The following N4BP2 variants were observed in gnomAD, a reference collection of about 807,000 sequenced individuals.
N4BP2 encodes the protein NEDD4 binding protein 2.
In N4BP2, 91 loss-of-function variants were observed where a neutral mutation model predicts 152.8. The ratio of observed to expected loss-of-function variants is 0.60; its 90% confidence interval spans 0.50 to 0.71. The LOEUF (loss-of-function observed/expected upper bound fraction) is 0.71, where lower values mean the gene tolerates loss of function less well. N4BP2 is among the 30% of genes least tolerant of loss of function. The pLI is 0.00. For missense variants in N4BP2, 1,923 were observed against 2,059.1 expected (o/e 0.93, Z 1.28); for synonymous variants, 646 against 705.3 (o/e 0.92, Z 1.33).
chr4:40,070,909 CCTT>C (rs968360881), intron 1 of N4BP2, among the ~76,000 whole-genome samples: 1 of 151,366 alleles, frequency 6.6e-6, no homozygotes, highest in Admixed American at 6.6e-5. Context: ...ACTGCAACCT[CCTT>C]CTCCTGAGTT....
At chr4:40,075,007 G>GA (rs569978803) in intron 2 of N4BP2, among the ~76,000 whole-genome samples, 41 of 136,570 alleles carry the variant, frequency 3.0e-4, no homozygotes, top group East Asian at 6.4e-4. Flanking sequence ...ACTCTGTAAA[G>GA]AAAAAAAAAA....
rs149213317 is a variant in N4BP2, at chr4:40,150,619, C to T, written c.5144-2161C>T. ...CCAGGAGTCAGAGGCTGCAGTGAAC[C>T]GAGATCATCCCACTGCACTTCAACC... On this transcript the variant is annotated intron_variant, in intron 16 of 17. Transcript: ENST00000261435. Among the ~76,000 whole-genome samples the T allele has an allele frequency of 2.5e-3, 370 of 150,686 alleles. 1 individual carries two copies. Among genetic ancestry groups the T allele is most frequent in the African/African-American group, 8.4e-3 (343 of 40,868 alleles).
chr4:40,151,472 G>A lies in N4BP2; in HGVS notation c.5144-1308G>A, dbSNP rs150139629. ...TTTTCAGTAGAGATGGGGTTTTGCC[G>A]TGTTGCCCAGGCTGGTCTTGAACTC... On this transcript the variant is annotated intron_variant, in intron 16 of 17. Transcript: ENST00000261435. Among the ~76,000 whole-genome samples, 362 of 151,864 alleles carry A rather than the reference G, an allele frequency of 2.4e-3. 1 individual carries two copies. Among genetic ancestry groups the A allele is most frequent in the African/African-American group, 8.3e-3 (343 of 41,360 alleles).
intron 12 of N4BP2, among the ~76,000 whole-genome samples, chr4:40,127,125 G>A (rs1245988144): frequency 6.6e-6 from 1 of 151,680 alleles, no homozygotes; most frequent in African/African-American, 2.4e-5. Flanking sequence ...TCTGGGGTCA[G>A]TGATTCACCT....
intron 6 of N4BP2, 79 bp downstream of exon 6, chr4:40,112,251 G>A (rs1716957836): frequency 1.2e-6 from 1 of 847,954 alleles, no homozygotes; most frequent in African/African-American, 1.8e-5. Flanking sequence ...AAGTGAATCT[G>A]AAGCACTTAA....
At chr4:40,133,785 G>T (rs1719113073) in intron 13 of N4BP2, among the ~76,000 whole-genome samples, 1 of 152,078 alleles carries the variant, frequency 6.6e-6, no homozygotes. Flanking sequence ...TTCAGATGAG[G>T]AGTAGTCAAC....
At chr4:40,175,950 C>T in the N4BP2 span, among the ~76,000 whole-genome samples, 2 of 151,306 alleles carry the variant, frequency 1.3e-5, no homozygotes, top group Admixed American at 6.6e-5. Context: ...ATTAGCCGGG[C>T]GCGGTGGCGG....
chr4:40,141,429 C>T (rs1560637238), intron 14 of N4BP2, among the ~76,000 whole-genome samples: 1 of 151,094 alleles, frequency 6.6e-6, no homozygotes, highest in African/African-American at 2.4e-5. Context: ...CGGGTAGAGG[C>T]GCTCCTCACA....
chr4:40,084,397 G>A (rs928824891), intron 2 of N4BP2, among the ~76,000 whole-genome samples: 7 of 151,494 alleles, frequency 4.6e-5, no homozygotes, highest in African/African-American at 1.7e-4. Flanking sequence ...GGGTGGCAGA[G>A]GAGAATCAGG....
chr4:40,112,207 T>C, intron 6 of N4BP2, 35 bp downstream of exon 6: 1 of 1,166,224 alleles, frequency 8.6e-7, no homozygotes, highest in East Asian at 2.5e-5. Context: ...TTTATAACAG[T>C]TTGTATGCAA....
At chr4:40,085,685 C>T (rs985664000) in intron 2 of N4BP2, among the ~76,000 whole-genome samples, 5 of 151,962 alleles carry the variant, frequency 3.3e-5, no homozygotes, top group Non-Finnish European at 5.9e-5. Flanking sequence ...AGCTCTGGAA[C>T]GCTGTATTGT....
intron 2 of N4BP2, among the ~76,000 whole-genome samples, chr4:40,078,747 TA>T (rs1713044640): frequency 6.6e-6 from 1 of 151,972 alleles, no homozygotes; most frequent in Non-Finnish European, 1.5e-5. Context: ...TGGCTGGTCT[TA>T]GACTCCTGGG....
the N4BP2 span, among the ~76,000 whole-genome samples, chr4:40,178,316 A>G: frequency 6.6e-6 from 1 of 152,234 alleles, no homozygotes; most frequent in African/African-American, 2.4e-5. Context: ...AAATTGGAAA[A>G]TAATGATAAA....
Position 40,136,751 on chromosome 4 carries a change from T to C in N4BP2, c.4647-193T>C, listed in dbSNP as rs73229756. On this transcript the variant is annotated intron_variant, in intron 13 of 17. Transcript: ENST00000261435. ...AAAATTAGCTTTTGAGAACCTATTA[T>C]TTGATAGTTTCCTTCTGATTATTCT... 3.3e-3 allele frequency among the ~76,000 whole-genome samples: 501 copies of C among 152,346 alleles called. 3 individuals carry two copies. The highest frequency in any genetic ancestry group is 5.4e-3 in the Non-Finnish European group (369 of 68,036).
the N4BP2 span, among the ~76,000 whole-genome samples, chr4:40,182,779 C>T: frequency 1.3e-5 from 2 of 152,050 alleles, no homozygotes; most frequent in Non-Finnish European, 2.9e-5. Flanking sequence ...CAGGTTCAAG[C>T]GATTCTCCTG....
intron 5 of N4BP2, among the ~76,000 whole-genome samples, chr4:40,109,224 G>A (rs766519415): frequency 1.2e-4 from 18 of 152,102 alleles, no homozygotes; most frequent in Non-Finnish European, 2.1e-4. Flanking sequence ...AAGAATTCAG[G>A]AATCTGAAAA....
At chr4:40,165,249 A>G in the N4BP2 span, among the ~76,000 whole-genome samples, 1 of 151,938 alleles carries the variant, frequency 6.6e-6, no homozygotes, top group African/African-American at 2.4e-5. Context: ...GAAATAGGAT[A>G]AAAATCAATC....
chr4:40,081,891 T>A (rs1713403786), intron 2 of N4BP2, among the ~76,000 whole-genome samples: 3 of 152,026 alleles, frequency 2.0e-5, no homozygotes, highest in African/African-American at 4.8e-5. Context: ...GGTGGGTGGA[T>A]CACCTGAGAT....
chr4:40,084,245 C>G (rs1292605211), intron 2 of N4BP2, among the ~76,000 whole-genome samples: 1 of 152,166 alleles, frequency 6.6e-6, no homozygotes, highest in African/African-American at 2.4e-5. Flanking sequence ...GCCACCGCAC[C>G]CAGCTTATTT....
Sources: allele counts gnomAD v4.1 joint callset (sites outside exome capture counted in the v4.1 genomes callset), GRCh38; gene constraint gnomAD v4.1.1; transcripts MANE v1.5; gene names NCBI Gene and HGNC (gene_info 2026-07-23, HGNC 2026-07-21).